Variants in VIRMA observed in about 807,000 individuals in gnomAD.
The protein encoded by VIRMA is protein virilizer homolog.
A neutral mutation model predicts 182.4 loss-of-function variants in VIRMA; 65 were observed. The observed-to-expected ratio is 0.36, with a 90% confidence interval of 0.29 to 0.44. The LOEUF (loss-of-function observed/expected upper bound fraction) is 0.44, where lower values mean the gene tolerates loss of function less well. VIRMA is among the 20% of genes least tolerant of loss of function. VIRMA has a pLI of 1.00. For synonymous variants in VIRMA, 709 were observed against 743.1 expected (o/e 0.95, Z 0.75); for missense variants, 1,752 against 2,158.1 (o/e 0.81, Z 3.73).
chr8:94,501,458 T>C (rs549465472), intron 16 of VIRMA, among the ~76,000 whole-genome samples: 2 of 152,102 alleles, frequency 1.3e-5, no homozygotes, highest in Non-Finnish European at 2.9e-5. Flanking sequence ...AAGAACCATA[T>C]ACAACACTGT....
intron 2 of VIRMA, among the ~76,000 whole-genome samples, chr8:94,538,697 C>T (rs1352320410): frequency 6.6e-6 from 1 of 152,146 alleles, no homozygotes; most frequent in Non-Finnish European, 1.5e-5. Flanking sequence ...ACTGCAACCT[C>T]TACTCTTGGG....
At chr8:94,501,193 T>G (rs956882580) in intron 16 of VIRMA, among the ~76,000 whole-genome samples, 14 of 146,332 alleles carry the variant, frequency 9.6e-5, no homozygotes, top group African/African-American at 3.6e-4. Flanking sequence ...GAGGCGCAGG[T>G]TGCAGTGAGC....
intron 10 of VIRMA, among the ~76,000 whole-genome samples, chr8:94,516,675 T>C (rs1014187244): frequency 6.6e-6 from 1 of 152,094 alleles, no homozygotes; most frequent in African/African-American, 2.4e-5. Context: ...ATAAAACAAA[T>C]ACCAGAATAC....
intron 1 of VIRMA, among the ~76,000 whole-genome samples, chr8:94,550,646 C>T (rs1195993770): frequency 6.6e-6 from 1 of 151,882 alleles, no homozygotes; most frequent in African/African-American, 2.4e-5. Context: ...ATGTATCTTA[C>T]TAATTGTATG....
intron 23 of VIRMA, 148 bp downstream of exon 23, chr8:94,489,791 G>T: frequency 1.2e-6 from 1 of 820,218 alleles, no homozygotes; most frequent in Non-Finnish European, 1.8e-6. Flanking sequence ...TTTTGGGGAA[G>T]TCAAAGTTAT....
intron 13 of VIRMA, 28 bp from the exon 14 acceptor site, chr8:94,510,680 C>A: frequency 6.7e-7 from 1 of 1,496,120 alleles, no homozygotes; most frequent in South Asian, 1.2e-5. Context: ...TGTGTGTGTA[C>A]GTAGATTTTT....
chr8:94,493,513 C>T (rs1813673064), intron 20 of VIRMA, among the ~76,000 whole-genome samples: 1 of 152,144 alleles, frequency 6.6e-6, no homozygotes, highest in Non-Finnish European at 1.5e-5. Flanking sequence ...ATTCAGTTCC[C>T]TAGTCATCCA....
At chr8:94,549,096 T>A (rs189372545) in intron 1 of VIRMA, among the ~76,000 whole-genome samples, 1 of 152,356 alleles carries the variant, frequency 6.6e-6, no homozygotes, top group Admixed American at 6.5e-5. Flanking sequence ...TGTTTTTTCA[T>A]TCACGGGAAC....
Position 94,512,868 on chromosome 8 carries a change from AT to A in VIRMA, c.2752-780del, listed in dbSNP as rs557968648. On this transcript the variant is annotated intron_variant, in intron 11 of 23. Coordinates refer to ENST00000297591, the MANE Select transcript of VIRMA (RefSeq NM_015496.5). ...AATGTTTCTGGCCTACATGGCATAC[AT>A]TTTTTTAAATGCAGATACCAACAGA... Among the ~76,000 whole-genome samples, 19 of 152,306 alleles carry A rather than the reference AT, an allele frequency of 1.2e-4. No homozygotes were observed. In the East Asian group the frequency reaches 3.7e-3, roughly 29 times the overall value.
In VIRMA at chr8:94,506,653, T is replaced by C. The variant is rs1326270046; in HGVS notation, c.3944A>G (p.Asn1315Ser). The C allele has an allele frequency of 6.2e-6, 10 of 1,613,826 alleles. No homozygotes were observed. Among genetic ancestry groups the C allele is most frequent in the Admixed American group, 3.3e-5 (2 of 59,992 alleles). The change falls in exon 16 of 24, where the codon AAT (asparagine) becomes AGT (serine). Residue 1315 changes from asparagine to serine, a missense_variant. This residue lies in a region of VIRMA where 777 missense variants were observed against 920.6 expected (regional missense o/e 0.84). Transcript: ENST00000297591. ...GSISELEQLS[N>S]SLPNKELMTS... ...CATCAATTCTTTATTTGGTAGAGAA[T>C]TGGAGAGCTGCTCCAGTTCAGAAAT... is the stretch of plus-strand genomic sequence containing the variant.
At chr8:94,535,713 G>A (rs1384995388) in intron 4 of VIRMA, among the ~76,000 whole-genome samples, 2 of 151,820 alleles carry the variant, frequency 1.3e-5, no homozygotes, top group Non-Finnish European at 2.9e-5. Flanking sequence ...CCAGGAGGCG[G>A]AGGCTGCAGT....
At chr8:94,500,072 A>C (rs1222529245) in intron 16 of VIRMA, among the ~76,000 whole-genome samples, 1 of 151,200 alleles carries the variant, frequency 6.6e-6, no homozygotes, top group Non-Finnish European at 1.5e-5. Flanking sequence ...AAAAAAAAAA[A>C]AACTTAACAC....
rs766169862 is a variant in VIRMA at position 94,553,469 on chromosome 8, G to C, written c.-22C>G. The stretch of plus-strand genomic sequence containing the variant: ...CCATGTTTGCCGCGGGCGGGGAACA[G>C]GGGGGAGGACTTCCGGGGCAGCGCT... On this transcript the variant is annotated 5_prime_UTR_variant, in exon 1 of 24. Transcript: ENST00000297591. 18 of 1,611,270 alleles carry C rather than the reference G, an allele frequency of 1.1e-5. No homozygotes were observed. Among genetic ancestry groups the C allele is most frequent in the South Asian group, 1.1e-5 (1 of 91,018 alleles).
chr8:94,509,630 A>G, intron 15 of VIRMA, 58 bp downstream of exon 15: 2 of 1,009,944 alleles, frequency 2.0e-6, no homozygotes, highest in Non-Finnish European at 1.3e-6. Flanking sequence ...TTAAATACAC[A>G]CACACACACA....
chr8:94,499,195 C>A, intron 17 of VIRMA, 179 bp downstream of exon 17: 1 of 411,814 alleles, frequency 2.4e-6, no homozygotes, highest in Non-Finnish European at 4.3e-6. Context: ...AAGACAGGGT[C>A]TCACTATTTT....
chr8:94,494,817 A>G, intron 20 of VIRMA, 43 bp downstream of exon 20: 4 of 1,173,620 alleles, frequency 3.4e-6, no homozygotes, highest in Non-Finnish European at 5.0e-6. Flanking sequence ...AAGAAACAGA[A>G]AAAACAATAA....
At chr8:94,514,164 TGA>T (rs1318331774) in intron 11 of VIRMA, among the ~76,000 whole-genome samples, 1 of 152,138 alleles carries the variant, frequency 6.6e-6, no homozygotes, top group Non-Finnish European at 1.5e-5. Context: ...ACCTGCGAAA[TGA>T]GAGAGATAAT....
At chr8:94,521,596 A>G (rs1814773208) in intron 8 of VIRMA, among the ~76,000 whole-genome samples, 1 of 152,194 alleles carries the variant, frequency 6.6e-6, no homozygotes, top group Non-Finnish European at 1.5e-5. Context: ...AAAATTATTT[A>G]TAATTCTGAC....
At chr8:94,493,320 T>C (rs1279282238) in intron 20 of VIRMA, among the ~76,000 whole-genome samples, 4 of 152,214 alleles carry the variant, frequency 2.6e-5, no homozygotes, top group Non-Finnish European at 5.9e-5. Context: ...ATTTATCAAA[T>C]GTAAGATACC....
Sources: allele counts gnomAD v4.1 joint callset (sites outside exome capture counted in the v4.1 genomes callset), GRCh38; gene constraint gnomAD v4.1.1; regional missense constraint gnomAD v4.1.1; transcripts MANE v1.5; gene names NCBI Gene and HGNC (gene_info 2026-07-23, HGNC 2026-07-21).